Variants in NOS1AP observed in about 807,000 individuals in gnomAD.
NOS1AP encodes nitric oxide synthase 1 adaptor protein.
A neutral mutation model predicts 56.2 loss-of-function variants in NOS1AP; 21 were observed. That is an observed-to-expected ratio of 0.37 (90% confidence interval 0.26 to 0.54). The LOEUF (loss-of-function observed/expected upper bound fraction) is 0.54, where lower values mean the gene tolerates loss of function less well. NOS1AP is among the 20% of genes least tolerant of loss of function. The pLI is 0.84. For synonymous variants in NOS1AP, 270 were observed against 274.6 expected (o/e 0.98, Z 0.17); for missense variants, 522 against 657.8 (o/e 0.79, Z 2.26).
At chr1:162,310,889 ACTCT>A (rs10667390) in intron 4 of NOS1AP, among the ~76,000 whole-genome samples, 3 of 150,122 alleles carry the variant, frequency 2.0e-5, no homozygotes, top group African/African-American at 4.9e-5. Flanking sequence ...CTGTTCGCTG[ACTCT>A]CTCTCTCTCT....
chr1:162,320,380 T>A (rs1656373309), intron 4 of NOS1AP, among the ~76,000 whole-genome samples: 1 of 152,188 alleles, frequency 6.6e-6, no homozygotes, highest in Non-Finnish European at 1.5e-5. Flanking sequence ...CCTTTGTTGA[T>A]GATTATTTTG....
chr1:162,152,513 A>G (rs1021308659), intron 1 of NOS1AP, among the ~76,000 whole-genome samples: 15 of 152,202 alleles, frequency 9.9e-5, no homozygotes, highest in African/African-American at 3.1e-4. Context: ...GACAGACTGT[A>G]CCGCCTCAGC....
chr1:162,301,745 A>G (rs1212328643), intron 4 of NOS1AP, among the ~76,000 whole-genome samples: 1 of 152,188 alleles, frequency 6.6e-6, no homozygotes, highest in Non-Finnish European at 1.5e-5. Flanking sequence ...CATTGGGAGA[A>G]TGGCCATTCC....
intron 1 of NOS1AP, among the ~76,000 whole-genome samples, chr1:162,120,693 C>A (rs190668998): frequency 6.6e-6 from 1 of 152,200 alleles, no homozygotes; most frequent in Non-Finnish European, 1.5e-5. Flanking sequence ...AACCGCCCCC[C>A]CCATGATTCG....
intron 6 of NOS1AP, among the ~76,000 whole-genome samples, chr1:162,344,789 T>C (rs530072351): frequency 6.6e-6 from 1 of 151,518 alleles, no homozygotes; most frequent in South Asian, 2.1e-4. Flanking sequence ...AAAAAAAATA[T>C]TGTTTATGTT....
intron 5 of NOS1AP, among the ~76,000 whole-genome samples, chr1:162,341,541 T>G (rs1557885082): frequency 6.6e-6 from 1 of 152,240 alleles, no homozygotes; most frequent in Non-Finnish European, 1.5e-5. Flanking sequence ...CTTTTTTACC[T>G]TTTGTAAAGA....
At chr1:162,269,790 T>A (rs1301511624) in intron 2 of NOS1AP, among the ~76,000 whole-genome samples, 1 of 151,816 alleles carries the variant, frequency 6.6e-6, no homozygotes, top group East Asian at 1.9e-4. Flanking sequence ...TTTTGAAAAA[T>A]CAGGAAAGAG....
intron 4 of NOS1AP, among the ~76,000 whole-genome samples, chr1:162,332,002 G>A (rs975955719): frequency 1.3e-5 from 2 of 152,160 alleles, no homozygotes; most frequent in Admixed American, 6.5e-5. Flanking sequence ...AAAGCCGATG[G>A]CTTCTCATCT....
chr1:162,339,445 T>C (rs1657038713), intron 5 of NOS1AP, among the ~76,000 whole-genome samples: 1 of 152,158 alleles, frequency 6.6e-6, no homozygotes, highest in South Asian at 2.1e-4. Flanking sequence ...TGGCCAGATT[T>C]TGGAACTCAA....
At chr1:162,094,677 A>T (rs1175636853) in intron 1 of NOS1AP, among the ~76,000 whole-genome samples, 2 of 152,170 alleles carry the variant, frequency 1.3e-5, no homozygotes, top group African/African-American at 2.4e-5. Flanking sequence ...TTGACTTTAC[A>T]CTTGTTGAAG....
intron 2 of NOS1AP, among the ~76,000 whole-genome samples, chr1:162,197,664 G>A (rs984095552): frequency 6.6e-6 from 1 of 152,206 alleles, no homozygotes; most frequent in African/African-American, 2.4e-5. Flanking sequence ...TCAGGAGAGA[G>A]GAAGTGACTT....
chr1:162,197,241 G>A (rs1332254714), intron 2 of NOS1AP, among the ~76,000 whole-genome samples: 3 of 152,234 alleles, frequency 2.0e-5, no homozygotes, highest in African/African-American at 4.8e-5. Flanking sequence ...ACACGGGCAA[G>A]CCTGAAAGGT....
chr1:162,265,204 C>CCCTATTAAAGGGACCTATTAAAACGA (rs1654380712), intron 2 of NOS1AP, among the ~76,000 whole-genome samples: 1 of 150,346 alleles, frequency 6.7e-6, no homozygotes, highest in African/African-American at 2.5e-5. Flanking sequence ...TGTTACTTCT[C>CCCTATTAAAGGGACCTATTAAAACGA]CCTATTAAAG....
chr1:162,212,529 G>A lies in NOS1AP; in HGVS notation c.177+58053G>A, dbSNP rs75711798. Among the ~76,000 whole-genome samples, 425 of 152,218 alleles carry A rather than the reference G, an allele frequency of 2.8e-3. 11 individuals carry two copies. The East Asian group carries it at 0.066, about 24-fold the overall frequency. ...TTGGGATGGGAAATATGTAAACTCT[G>A]CCCCCCGCCACCCCGCTGCCCACCC... On this transcript the variant is annotated intron_variant, in intron 2 of 9. Coordinates refer to ENST00000361897, the MANE Select transcript of NOS1AP (RefSeq NM_014697.3).
intron 1 of NOS1AP, among the ~76,000 whole-genome samples, chr1:162,130,515 T>C (rs569461783): frequency 6.6e-6 from 1 of 152,336 alleles, no homozygotes; most frequent in African/African-American, 2.4e-5. Context: ...GTGACTATGC[T>C]GGCACCTGCT....
chr1:162,229,510 A>G (rs1013016779), intron 2 of NOS1AP, among the ~76,000 whole-genome samples: 3 of 151,754 alleles, frequency 2.0e-5, no homozygotes, highest in Admixed American at 6.6e-5. Flanking sequence ...ATCATCCTTT[A>G]TTTTTATTTG....
intron 2 of NOS1AP, among the ~76,000 whole-genome samples, chr1:162,233,464 A>T (rs1021249093): frequency 2.0e-5 from 3 of 152,116 alleles, no homozygotes; most frequent in Non-Finnish European, 2.9e-5. Context: ...ATTGAGACAA[A>T]ATCAATAGTG....
chr1:162,116,553 C>G (rs950559847), intron 1 of NOS1AP, among the ~76,000 whole-genome samples: 1 of 152,114 alleles, frequency 6.6e-6, no homozygotes, highest in Admixed American at 6.5e-5. Flanking sequence ...TTTACAGGAG[C>G]TGGTAGTTAA....
intron 1 of NOS1AP, among the ~76,000 whole-genome samples, chr1:162,076,165 C>A (rs1057443774): frequency 6.6e-6 from 1 of 152,076 alleles, no homozygotes; most frequent in Non-Finnish European, 1.5e-5. Context: ...CCCTTTATAC[C>A]TTTGTTGCCT....
Sources: gnomAD v4.1 joint callset for allele counts (sites outside exome capture counted in the v4.1 genomes callset) on GRCh38, gnomAD v4.1.1 for gene constraint, MANE v1.5 for transcripts, NCBI Gene and HGNC (gene_info 2026-07-23, HGNC 2026-07-21) for gene names.